The following SCAP variants were observed in gnomAD, a reference collection of about 807,000 sequenced individuals.
The protein encoded by SCAP is SREBF chaperone, also known as sterol regulatory element-binding protein cleavage-activating protein.
A neutral mutation model predicts 123.6 loss-of-function variants in SCAP; 65 were observed. The observed-to-expected ratio is 0.53, with a 90% confidence interval of 0.43 to 0.65. The LOEUF is 0.65. Ranked by LOEUF, SCAP falls within the 30% of genes least tolerant of loss-of-function variation. The pLI is 0.00. For missense variants in SCAP, 1,398 were observed against 1,712.5 expected (o/e 0.82, Z 3.24); for synonymous variants, 740 against 726.3 (o/e 1.02, Z -0.30).
chr3:47,426,718 G>A (rs1425210827), intron 6 of SCAP, among the ~76,000 whole-genome samples: 1 of 152,184 alleles, frequency 6.6e-6, no homozygotes, highest in Non-Finnish European at 1.5e-5. Context: ...TTACAGGCGT[G>A]AGCCACCGCG....
rs1397181589 is a variant in SCAP at position 47,418,260 on chromosome 3, C to T, written c.2332-11G>A. 1 of 1,559,786 alleles carries T rather than the reference C, an allele frequency of 6.4e-7. No homozygotes were observed. Among genetic ancestry groups the T allele is most frequent in the Non-Finnish European group, 8.7e-7 (1 of 1,152,236 alleles). On this transcript the variant is annotated splice_polypyrimidine_tract_variant and intron_variant, in intron 15 of 22. Transcript: ENST00000265565. ...CAGGCACTCGATGTCCTGCAGAAGCCCGGTGTTGGTATGGGCCAGGCTCCG... is the reference window on the plus strand; with the variant it reads ...CAGGCACTCGATGTCCTGCAGAAGCTCGGTGTTGGTATGGGCCAGGCTCCG...
At position 47,417,036 on chromosome 3, in the gene SCAP, A is replaced by G. The variant is rs1305408238; in HGVS notation, c.3056+86T>C. On this transcript the variant is annotated intron_variant, in intron 18 of 22. Coordinates refer to ENST00000265565, the MANE Select transcript of SCAP (RefSeq NM_012235.4). ...ATCGAATCATACAGTACAGCAGTTG[A>G]AGAGAACCAGAACTCAAGACTCAAG... 3.6e-5 allele frequency: 43 copies of G among 1,208,264 alleles called. 1 individual carries two copies. The highest frequency in any genetic ancestry group is 4.8e-5 in the Non-Finnish European group (40 of 834,098). The allele number at this position is 1,208,264 out of a possible 1,614,324, so 74.8% of individuals were successfully genotyped here.
rs1329094570 is a variant in SCAP at position 47,460,650 on chromosome 3, C to T, written c.-99+15149G>A. ...TCACTGCAACCTCTGCCCCCGCCCCCAGGTTCAAGCGATTCTCCTGCCTCA... is the reference window on the plus strand; with the variant it reads ...TCACTGCAACCTCTGCCCCCGCCCCTAGGTTCAAGCGATTCTCCTGCCTCA... On this transcript the variant is annotated intron_variant, in intron 1 of 22. Transcript: ENST00000265565. Among the ~76,000 whole-genome samples, 5 of 152,108 alleles carry T rather than the reference C, an allele frequency of 3.3e-5. No individual in the cohort carries two copies. In the East Asian group the frequency reaches 7.7e-4, roughly 24 times the overall value.
rs959636546 is a variant in SCAP at position 47,454,553 on chromosome 3, C to T, written c.-98-11462G>A. 3.3e-5 allele frequency among the ~76,000 whole-genome samples: 5 copies of T among 151,380 alleles called. No individual in the cohort carries two copies. The East Asian group carries it at 9.8e-4, about 30-fold the overall frequency. ...ACCAGCCTGGCCAACAAGGTGAAACCCCCGTCTCCACTAAAAAATACAAAA... is the reference window on the plus strand; with the variant it reads ...ACCAGCCTGGCCAACAAGGTGAAACTCCCGTCTCCACTAAAAAATACAAAA... On this transcript the variant is annotated intron_variant, in intron 1 of 22. Coordinates refer to ENST00000265565, the MANE Select transcript of SCAP (RefSeq NM_012235.4).
chr3:47,459,402 C>T (rs142087467), intron 1 of SCAP, among the ~76,000 whole-genome samples: 65 of 152,260 alleles, frequency 4.3e-4, no homozygotes, highest in Middle Eastern at 3.4e-3. Context: ...AGTCTCGTTG[C>T]GTTACTACTT....
chr3:47,418,826 G>A lies in SCAP; in HGVS notation c.1958C>T (p.Pro653Leu). ...TLAKRYISLL[P>L]VIPVTLRLNP... ...CAGGCGGAGCGTGACTGGGATGACG[G>A]GCAGCAGGCTGATGTACCTGGATTC... Residue 653 changes from proline (P) to leucine (L), a missense_variant, in exon 14 of 23, where the codon CCC becomes CTC. Transcript: ENST00000265565. The A allele has an allele frequency of 1.3e-6, 2 of 1,526,176 alleles. No homozygotes were observed. The highest frequency in any genetic ancestry group is 1.8e-6 in the Non-Finnish European group (2 of 1,140,136). 94.5% of individuals were successfully genotyped at this position (1,526,176 alleles called of 1,614,324 possible). A position where few individuals can be genotyped will look rare whatever the true frequency, so the allele number is the denominator to read the frequency against.
intron 18 of SCAP, among the ~76,000 whole-genome samples, chr3:47,416,426 C>G (rs971752649): frequency 1.3e-5 from 2 of 152,168 alleles, no homozygotes; most frequent in African/African-American, 2.4e-5. Context: ...GTTCTGCAAG[C>G]GCACTCTGTA....
chr3:47,424,298 G>A (rs1706029691), intron 8 of SCAP, among the ~76,000 whole-genome samples: 1 of 152,242 alleles, frequency 6.6e-6, no homozygotes, highest in Non-Finnish European at 1.5e-5. Context: ...TCCAGCACAG[G>A]AGGGCTGGAA....
rs1705849561 is a variant in SCAP at position 47,420,596 on chromosome 3, G to A, written c.1521C>T (p.Val507=). The A allele has an allele frequency of 6.2e-7, 1 of 1,611,604 alleles. No individual in the cohort carries two copies. Among genetic ancestry groups the A allele is most frequent in the Non-Finnish European group, 8.5e-7 (1 of 1,179,634 alleles). ...NLRLPKRLRV[V]YFLARTRLAQ... ...CCAGGCGGGTGCGGGCCAGGAAGTA[G>A]ACAACACGCAGCCTCTTGGGGAGCC... Residue 507 remains valine, a synonymous_variant, in exon 12 of 23, where the codon GTC becomes GTT. Transcript: ENST00000265565. The surrounding 1 kb of genome is among the most constrained non-coding windows in gnomAD (Gnocchi z 5.0).
chr3:47,447,170 G>A (rs754086806), intron 1 of SCAP, among the ~76,000 whole-genome samples: 12 of 152,034 alleles, frequency 7.9e-5, no homozygotes, highest in African/African-American at 1.7e-4. Flanking sequence ...TTGGGAGACC[G>A]AGGTGGGCGG....
At position 47,427,217 on chromosome 3, in the gene SCAP, T is replaced by A. The variant is rs1706172674; in HGVS notation, c.677A>T (p.Tyr226Phe). 2 of 1,613,942 alleles carry A rather than the reference T, an allele frequency of 1.2e-6. No individual in the cohort carries two copies. Among genetic ancestry groups the A allele is most frequent in the African/African-American group, 2.7e-5 (2 of 74,978 alleles). Reference protein sequence around the residue: ...VPGKYSGVSLYTRKRMVSYTI... With the variant: ...VPGKYSGVSLFTRKRMVSYTI... ...GTAGGAGACCATCCTCTTCCTGGTG[T>A]AGAGGCTCACCCCGCTGTACTTCCC... Residue 226 changes from tyrosine (Y) to phenylalanine (F), a missense_variant, in exon 6 of 23, where the codon TAC becomes TTC. Transcript: ENST00000265565.
chr3:47,445,069 G>A lies in SCAP; in HGVS notation c.-98-1978C>T, dbSNP rs80017429. ...TTACAGGCATGAGGCACCGAGCCCA[G>A]CCACTTCATTACTTTTTATGGCTGA... On this transcript the variant is annotated intron_variant, in intron 1 of 22. Coordinates refer to ENST00000265565, the MANE Select transcript of SCAP (RefSeq NM_012235.4). 1.8e-3 allele frequency among the ~76,000 whole-genome samples: 277 copies of A among 152,178 alleles called. 2 individuals carry two copies. Among genetic ancestry groups the A allele is most frequent in the African/African-American group, 6.4e-3 (265 of 41,516 alleles).
Position 47,417,504 on chromosome 3 carries a change from C to G in SCAP, c.2770G>C (p.Gly924Arg). The change falls in exon 17 of 23, where the codon GGG (glycine) becomes CGG (arginine). Residue 924 changes from glycine (G) to arginine (R), a missense_variant. Gly to Arg is a moderately radical substitution (Grantham distance 125). Around this residue, in one of 7 missense-constraint regions of SCAP, gnomAD observed 828 missense variants for 882.5 expected, o/e 0.94. Transcript: ENST00000265565. ...CLVQRVYQEEGLAAVCTPALR... is the reference protein window; with the variant it reads ...CLVQRVYQEERLAAVCTPALR... Reference sequence around the variant, plus strand: ...GCTGGTGTGCAGACGGCCGCCAGCCCCTCCTCCTGGTACACCCGCTGCACC... The same window carrying G: ...GCTGGTGTGCAGACGGCCGCCAGCCGCTCCTCCTGGTACACCCGCTGCACC... 1 of 1,554,670 alleles carries G rather than the reference C, an allele frequency of 6.4e-7. No individual in the cohort carries two copies. Among genetic ancestry groups the G allele is most frequent in the Admixed American group, 2.0e-5 (1 of 51,226 alleles).
At chr3:47,415,077 G>A (rs763755265) in intron 19 of SCAP, 21 bp downstream of exon 19, 1 of 1,589,102 alleles carries the variant, frequency 6.3e-7, no homozygotes, top group Non-Finnish European at 8.5e-7. Flanking sequence ...GTGAACACCT[G>A]CCCACCCCAG....
Position 47,417,762 on chromosome 3 carries a change from A to G in SCAP, c.2512T>C (p.Ser838Pro), listed in dbSNP as rs767994630. 1.1e-5 allele frequency: 18 copies of G among 1,596,146 alleles called. No individual in the cohort carries two copies. The highest frequency in any genetic ancestry group is 1.5e-5 in the Non-Finnish European group (18 of 1,173,686). Reference sequence around the variant, plus strand: ...TCTGGACCAGCCTTCCCACCATCTGAAAGTCGTTCCCAGCTCTCCTGAGCC... The same window carrying G: ...TCTGGACCAGCCTTCCCACCATCTGGAAGTCGTTCCCAGCTCTCCTGAGCC... ...LEAQESWERL[S>P]DGGKAGPEEP... The change falls in exon 17 of 23, where the codon TCA becomes CCA. Residue 838 changes from serine (S) to proline (P), a missense_variant. Ser to Pro is a moderately conservative substitution (Grantham distance 74, BLOSUM62 -1). This residue lies in a region of SCAP where 828 missense variants were observed against 882.5 expected (regional missense o/e 0.94). Coordinates refer to ENST00000265565, the MANE Select transcript of SCAP (RefSeq NM_012235.4).
At chr3:47,448,004 A>C (rs1490069995) in intron 1 of SCAP, among the ~76,000 whole-genome samples, 1 of 8,778 alleles carries the variant, frequency 1.1e-4, no homozygotes, top group Middle Eastern at 0.062. Flanking sequence ...CTCCGTCTCA[A>C]AAAAAAAAAA....
At chr3:47,473,227 T>C (rs2108040916) in intron 1 of SCAP, among the ~76,000 whole-genome samples, 1 of 152,136 alleles carries the variant, frequency 6.6e-6, no homozygotes, top group South Asian at 2.1e-4. Flanking sequence ...AAATAACTTT[T>C]CTAAAACTCT....
chr3:47,457,882 G>C (rs926688629), intron 1 of SCAP, among the ~76,000 whole-genome samples: 2 of 152,192 alleles, frequency 1.3e-5, no homozygotes, highest in Non-Finnish European at 2.9e-5. Context: ...ACTCCAGCCT[G>C]GGCAATGGAG....
chr3:47,467,742 C>T (rs1344212973), intron 1 of SCAP, among the ~76,000 whole-genome samples: 3 of 152,198 alleles, frequency 2.0e-5, no homozygotes, highest in Admixed American at 1.3e-4. Context: ...TACCAATTCC[C>T]ACCCACTGGC....
Sources: gnomAD v4.1 joint callset for allele counts (sites outside exome capture counted in the v4.1 genomes callset) on GRCh38, gnomAD v4.1.1 for gene constraint, gnomAD v4.1.1 regional missense constraint, Gnocchi (gnomAD v3.1) non-coding constraint, MANE v1.5 for transcripts, NCBI Gene and HGNC (gene_info 2026-07-23, HGNC 2026-07-21) for gene names.